SLCO3A1: variants seen among roughly 807,000 people sequenced by gnomAD.
SLCO3A1 encodes PGE1 transporter.
A neutral mutation model predicts 63.1 loss-of-function variants in SLCO3A1; 27 were observed. That is an observed-to-expected ratio of 0.43 (90% CI 0.32 to 0.59). The LOEUF (loss-of-function observed/expected upper bound fraction) is 0.59, where lower values mean the gene tolerates loss of function less well. Ranked by LOEUF, SLCO3A1 falls within the 20% of genes least tolerant of loss-of-function variation. SLCO3A1 has a pLI of 0.09. For synonymous variants in SLCO3A1, 473 were observed against 409.9 expected (o/e 1.15, Z -1.86); for missense variants, 773 against 945.8 (o/e 0.82, Z 2.40).
chr15:92,033,365 T>C lies in SLCO3A1; in HGVS notation c.647-61516T>C, dbSNP rs180698304. On this transcript the variant is annotated intron_variant, in intron 2 of 9. Transcript: ENST00000318445. This position sits in a 1 kb window ranked among gnomAD's most constrained non-coding sequence, Gnocchi z 4.5. ...ACCCTCCTCTCCTCCAAGAGCAGGG[T>C]AACTTCCTCCTCTTGCATTCTCCCT... Among the ~76,000 whole-genome samples, 1 of 152,178 alleles carries C rather than the reference T, an allele frequency of 6.6e-6. No individual in the cohort carries two copies. The highest frequency in any genetic ancestry group is 1.5e-5 in the Non-Finnish European group (1 of 68,030).
chr15:91,859,873 A>T lies in SLCO3A1; in HGVS notation c.180+5785A>T, dbSNP rs1211138903. ...ACCAATGAGAAATAAAATTATTTCA[A>T]TTAAACTTTAGTTTTGGTTTAGTGA... On this transcript the variant is annotated intron_variant, in intron 1 of 9. Coordinates refer to ENST00000318445, the MANE Select transcript of SLCO3A1 (RefSeq NM_013272.4). This position sits in a 1 kb window ranked among gnomAD's most constrained non-coding sequence, Gnocchi z 5.1. 6.6e-6 allele frequency among the ~76,000 whole-genome samples: 1 copy of T among 152,256 alleles called. No homozygotes were observed. The highest frequency in any genetic ancestry group is 2.4e-5 in the African/African-American group (1 of 41,474).
At chr15:92,030,519 G>C (rs2046633959) in intron 2 of SLCO3A1, among the ~76,000 whole-genome samples, 1 of 152,160 alleles carries the variant, frequency 6.6e-6, no homozygotes, top group Non-Finnish European at 1.5e-5. Context: ...CTTTTCTGCT[G>C]ATTGAACTCT....
In SLCO3A1 at chr15:91,906,239, C is replaced by T. The variant is rs568358747; in HGVS notation, c.181-9754C>T. ...TACCCCCATTCCAGAGCTTGCTAGA[C>T]ACTTGTCTCCTCAGTTACTAGGGGC... On this transcript the variant is annotated intron_variant, in intron 1 of 9. Coordinates refer to ENST00000318445, the MANE Select transcript of SLCO3A1 (RefSeq NM_013272.4). Among the ~76,000 whole-genome samples, 19 of 150,904 alleles carry T rather than the reference C, an allele frequency of 1.3e-4. No individual in the cohort carries two copies. In the East Asian group the frequency reaches 3.5e-3, roughly 28 times the overall value.
At chr15:92,086,161 G>T (rs927361849) in intron 2 of SLCO3A1, among the ~76,000 whole-genome samples, 13 of 152,204 alleles carry the variant, frequency 8.5e-5, no homozygotes, top group African/African-American at 2.9e-4. Flanking sequence ...CAAGGACTCA[G>T]AATTGTGCAT....
intron 2 of SLCO3A1, among the ~76,000 whole-genome samples, chr15:91,951,270 T>C (rs1051433958): frequency 8.9e-5 from 13 of 146,514 alleles, no homozygotes; most frequent in African/African-American, 3.3e-4. Flanking sequence ...ACTTCCTGTC[T>C]GTGGATTTGC....
At position 91,942,157 on chromosome 15, in the gene SLCO3A1, TA is replaced by T. The variant is rs2151400995; in HGVS notation, c.646+25703del. Reference sequence around the variant, plus strand: ...TTTGGATCACGGCAGCTTTTCTTATTAAAATTTTACTTGTAGAAATAAAAAG... The same window carrying T: ...TTTGGATCACGGCAGCTTTTCTTATTAAATTTTACTTGTAGAAATAAAAAG... On this transcript the variant is annotated intron_variant, in intron 2 of 9. Coordinates refer to ENST00000318445, the MANE Select transcript of SLCO3A1 (RefSeq NM_013272.4). This position sits in a 1 kb window ranked among gnomAD's most constrained non-coding sequence, Gnocchi z 4.1. 6.6e-6 allele frequency among the ~76,000 whole-genome samples: 1 copy of T among 152,278 alleles called. No individual in the cohort carries two copies. The highest frequency in any genetic ancestry group is 1.9e-4 in the East Asian group (1 of 5,194).
chr15:91,964,494 G>A (rs1271166911), intron 2 of SLCO3A1, among the ~76,000 whole-genome samples: 2 of 151,882 alleles, frequency 1.3e-5, no homozygotes, highest in African/African-American at 2.4e-5. Flanking sequence ...GCAGCTCTGT[G>A]TAGTAGCTCT....
In SLCO3A1 at chr15:92,065,515, G is replaced by C. The variant is rs150385551; in HGVS notation, c.647-29366G>C. 3.7e-3 allele frequency among the ~76,000 whole-genome samples: 570 copies of C among 152,228 alleles called. 6 individuals carry two copies. The highest frequency in any genetic ancestry group is 0.013 in the African/African-American group (528 of 41,542). On this transcript the variant is annotated intron_variant, in intron 2 of 9. Coordinates refer to ENST00000318445, the MANE Select transcript of SLCO3A1 (RefSeq NM_013272.4). Reference sequence around the variant, plus strand: ...AAAATTTTTAAAGAAGAGTTAGGATGAATGGAGACAAACTGGAGTCTCAAC... The same window carrying C: ...AAAATTTTTAAAGAAGAGTTAGGATCAATGGAGACAAACTGGAGTCTCAAC...
chr15:91,994,469 T>G (rs2046165937), intron 2 of SLCO3A1, among the ~76,000 whole-genome samples: 1 of 152,242 alleles, frequency 6.6e-6, no homozygotes, highest in Admixed American at 6.5e-5. Context: ...GAATCTGCTT[T>G]TTTTAAATGA....
chr15:92,153,516 C>A (rs1037661305), intron 9 of SLCO3A1: 1 of 152,204 alleles, frequency 6.6e-6, no homozygotes, highest in Admixed American at 6.5e-5. Context: ...AGATTAACCA[C>A]CATTATTGTT....
chr15:91,893,790 A>G (rs185068210), intron 1 of SLCO3A1, among the ~76,000 whole-genome samples: 2 of 152,268 alleles, frequency 1.3e-5, no homozygotes, highest in East Asian at 1.9e-4. Context: ...CTATCCATCT[A>G]TTCGACAAAT....
intron 7 of SLCO3A1, among the ~76,000 whole-genome samples, chr15:92,145,751 C>G (rs886914): frequency 6.6e-6 from 1 of 151,982 alleles, no homozygotes; most frequent in Non-Finnish European, 1.5e-5. Context: ...GGTACCCTAA[C>G]TGAACCATTT....
chr15:91,878,021 G>C (rs1306479879), intron 1 of SLCO3A1, among the ~76,000 whole-genome samples: 1 of 151,926 alleles, frequency 6.6e-6, no homozygotes, highest in Non-Finnish European at 1.5e-5. Context: ...GACAACATGA[G>C]GCAAGATCTG....
chr15:92,001,534 C>T (rs2046254545), intron 2 of SLCO3A1, among the ~76,000 whole-genome samples: 2 of 152,204 alleles, frequency 1.3e-5, no homozygotes, highest in Admixed American at 6.5e-5. Context: ...ACTTGGAGTG[C>T]TTGAGCCAGA....
intron 2 of SLCO3A1, among the ~76,000 whole-genome samples, chr15:91,971,683 G>T (rs1900879008): frequency 6.6e-6 from 1 of 152,040 alleles, no homozygotes; most frequent in South Asian, 2.1e-4. Flanking sequence ...ATGAATCAAA[G>T]ATATACATTA....
At chr15:92,095,117 C>G (rs1268161696) in intron 3 of SLCO3A1, 138 bp downstream of exon 3, 1 of 611,214 alleles carries the variant, frequency 1.6e-6, no homozygotes. Context: ...TGGGGCTCAC[C>G]CGAGATTAGA....
chr15:92,061,067 C>T (rs1351922997), intron 2 of SLCO3A1, among the ~76,000 whole-genome samples: 1 of 152,190 alleles, frequency 6.6e-6, no homozygotes, highest in Non-Finnish European at 1.5e-5. Context: ...ATTTTGACAT[C>T]CACAGTAATT....
At chr15:91,906,819 T>C (rs778939236) in intron 1 of SLCO3A1, among the ~76,000 whole-genome samples, 1 of 152,204 alleles carries the variant, frequency 6.6e-6, no homozygotes, top group Non-Finnish European at 1.5e-5. Flanking sequence ...TTCTATTAGT[T>C]GACTGTACCC....
chr15:91,952,459 C>T (rs770009388), intron 2 of SLCO3A1, among the ~76,000 whole-genome samples: 2 of 152,204 alleles, frequency 1.3e-5, no homozygotes, highest in Non-Finnish European at 2.9e-5. Context: ...AAGTAGGAAC[C>T]GGTGATTTGA....
Sources: gnomAD v4.1 joint callset for allele counts (sites outside exome capture counted in the v4.1 genomes callset) on GRCh38, gnomAD v4.1.1 for gene constraint, Gnocchi (gnomAD v3.1) non-coding constraint, MANE v1.5 for transcripts, NCBI Gene and HGNC (gene_info 2026-07-23, HGNC 2026-07-21) for gene names.